Variants in MBNL2 observed in about 807,000 individuals in gnomAD.
MBNL2 encodes the protein muscleblind like splicing regulator 2.
A neutral mutation model predicts 41.9 loss-of-function variants in MBNL2; 17 were observed. The observed-to-expected ratio is 0.41, with a 90% CI of 0.28 to 0.61. The LOEUF is 0.61. Among genes scored for constraint, MBNL2 ranks in the 20% least tolerant of loss-of-function variants. MBNL2 has a pLI of 0.35. For synonymous variants in MBNL2, 195 were observed against 182.9 expected, an observed-to-expected ratio of 1.07 and a Z score of -0.53; for missense variants, 336 against 505.6, an observed-to-expected ratio of 0.66 and a Z score of 3.22.
intron 1 of MBNL2, among the ~76,000 whole-genome samples, chr13:97,253,287 C>G (rs1479048657): frequency 2.0e-5 from 3 of 152,170 alleles, no homozygotes; most frequent in African/African-American, 7.2e-5. Context: ...ATTTATTAAA[C>G]TCTGTGCTTG....
Position 97,302,018 on chromosome 13 carries a change from T to G in MBNL2, c.174+25609T>G, listed in dbSNP as rs578065268. ...TATTCCAGTGTTTTCTCAGAGATCATGTTCTTTAAAAGTCCTTGAGATTTC... is the reference window on the plus strand; with the variant it reads ...TATTCCAGTGTTTTCTCAGAGATCAGGTTCTTTAAAAGTCCTTGAGATTTC... On this transcript the variant is annotated intron_variant, in intron 2 of 8. Coordinates refer to ENST00000679496, the MANE Select transcript of MBNL2 (RefSeq NM_001382683.1). Among the ~76,000 whole-genome samples, 14 of 152,336 alleles carry G rather than the reference T, an allele frequency of 9.2e-5. No homozygotes were observed. The South Asian group carries it at 2.9e-3, about 32-fold the overall frequency.
the MBNL2 span, among the ~76,000 whole-genome samples, chr13:97,158,943 G>T: frequency 6.6e-6 from 1 of 150,536 alleles, no homozygotes; most frequent in Admixed American, 6.6e-5. Context: ...TCAATTCCTG[G>T]GTATCCTTGT....
chr13:97,386,090 C>T (rs925104327), intron 8 of MBNL2, among the ~76,000 whole-genome samples: 11 of 152,162 alleles, frequency 7.2e-5, no homozygotes, highest in African/African-American at 2.4e-4. Flanking sequence ...TAGAGGGTGC[C>T]TTGTTGGTCA....
upstream of MBNL2, among the ~76,000 whole-genome samples, chr13:97,218,430 C>CAAAAAAAATA (rs746110575): frequency 1.4e-5 from 1 of 69,056 alleles, no homozygotes; most frequent in African/African-American, 9.9e-5. Flanking sequence ...AAAAACAAAA[C>CAAAAAAAATA]AAAACAAAAC....
chr13:97,142,429 C>G, the MBNL2 span, among the ~76,000 whole-genome samples: 1 of 152,230 alleles, frequency 6.6e-6, no homozygotes, highest in Non-Finnish European at 1.5e-5. Context: ...ACAATCTCCA[C>G]TAGGTTATGT....
chr13:97,288,005 C>T (rs1245417773), intron 2 of MBNL2, among the ~76,000 whole-genome samples: 5 of 149,540 alleles, frequency 3.3e-5, no homozygotes, highest in Non-Finnish European at 7.4e-5. Flanking sequence ...AACTCCTGAC[C>T]TCAAACAATC....
At chr13:97,214,029 T>C in the MBNL2 span, among the ~76,000 whole-genome samples, 1 of 152,170 alleles carries the variant, frequency 6.6e-6, no homozygotes, top group Non-Finnish European at 1.5e-5. Flanking sequence ...CTCACCACAG[T>C]CTTGTGCTAG....
chr13:97,304,258 C>G (rs564366467), intron 2 of MBNL2, among the ~76,000 whole-genome samples: 1 of 152,186 alleles, frequency 6.6e-6, no homozygotes, highest in East Asian at 1.9e-4. Context: ...GGAGAAAAGT[C>G]TTTGTCACAT....
intron 1 of MBNL2, among the ~76,000 whole-genome samples, chr13:97,225,990 T>A (rs943370164): frequency 2.0e-5 from 3 of 151,514 alleles, no homozygotes; most frequent in Non-Finnish European, 4.4e-5. Context: ...TAACATACTA[T>A]TTTTTTTTCT....
chr13:97,340,848 G>A (rs1025039150), intron 3 of MBNL2, among the ~76,000 whole-genome samples: 4 of 152,150 alleles, frequency 2.6e-5, no homozygotes, highest in African/African-American at 9.7e-5. Flanking sequence ...TATTTTTGAA[G>A]ACAAAAGTTA....
chr13:97,282,040 T>C (rs1477828162), intron 2 of MBNL2, among the ~76,000 whole-genome samples: 1 of 127,932 alleles, frequency 7.8e-6, no homozygotes, highest in Non-Finnish European at 1.8e-5. Context: ...AAGATTAGCA[T>C]GTTGAGGTCC....
At chr13:97,218,052 T>C (rs544230959), upstream of MBNL2, among the ~76,000 whole-genome samples, 2 of 152,230 alleles carry the variant, frequency 1.3e-5, no homozygotes, top group South Asian at 4.1e-4. Flanking sequence ...TGGGAAATGA[T>C]CAAATAAAAA....
At chr13:97,298,095 T>C (rs1198153100) in intron 2 of MBNL2, among the ~76,000 whole-genome samples, 1 of 152,082 alleles carries the variant, frequency 6.6e-6, no homozygotes, top group Non-Finnish European at 1.5e-5. Flanking sequence ...AGTTAATGGG[T>C]GCAGCACACC....
the MBNL2 span, among the ~76,000 whole-genome samples, chr13:97,189,843 G>A: frequency 1.3e-5 from 2 of 152,194 alleles, no homozygotes; most frequent in Admixed American, 1.3e-4. Flanking sequence ...TCAGCAAATG[G>A]TTATTAATGT....
chr13:97,147,756 T>C, the MBNL2 span, among the ~76,000 whole-genome samples: 1 of 152,186 alleles, frequency 6.6e-6, no homozygotes, highest in Non-Finnish European at 1.5e-5. Context: ...GTTTACCTGA[T>C]GTCCAAGGCT....
chr13:97,196,784 C>T, the MBNL2 span, among the ~76,000 whole-genome samples: 1 of 152,276 alleles, frequency 6.6e-6, no homozygotes, highest in African/African-American at 2.4e-5. Flanking sequence ...ATTCTCATTA[C>T]TGTGGTATTC....
the MBNL2 span, among the ~76,000 whole-genome samples, chr13:97,156,362 G>C: frequency 6.8e-6 from 1 of 147,634 alleles, no homozygotes; most frequent in Non-Finnish European, 1.5e-5. Flanking sequence ...GTTCACTCAT[G>C]GTAGTTTCTC....
At chr13:97,305,636 G>A (rs912870327) in intron 2 of MBNL2, among the ~76,000 whole-genome samples, 2 of 151,968 alleles carry the variant, frequency 1.3e-5, no homozygotes, top group African/African-American at 2.4e-5. Context: ...GTGGTGGCAC[G>A]CACTTGTAGT....
At chr13:97,352,765 C>T (rs1427262324) in intron 5 of MBNL2, among the ~76,000 whole-genome samples, 1 of 152,194 alleles carries the variant, frequency 6.6e-6, no homozygotes, top group Non-Finnish European at 1.5e-5. Flanking sequence ...CAACAAAGTG[C>T]AATAAAACAA....
Sources: allele counts gnomAD v4.1 joint callset (sites outside exome capture counted in the v4.1 genomes callset), GRCh38; gene constraint gnomAD v4.1.1; transcripts MANE v1.5; gene names NCBI Gene and HGNC (gene_info 2026-07-23, HGNC 2026-07-21).